Variants in CEP63 observed in about 807,000 individuals in gnomAD.
The protein encoded by CEP63 is centrosomal protein 63, also known as centrosomal protein of 63 kDa.
A neutral mutation model predicts 89.1 loss-of-function variants in CEP63; 84 were observed. The ratio of observed to expected loss-of-function variants is 0.94; its 90% CI spans 0.79 to 1.13. The LOEUF is 1.13. Ranked by LOEUF, CEP63 falls within the 50% of genes most tolerant of loss-of-function variation. The pLI, the probability that CEP63 is intolerant of heterozygous loss-of-function variation, is 0.00. For synonymous variants in CEP63, 267 were observed against 272.5 expected, an observed-to-expected ratio of 0.98 and a Z score of 0.20; for missense variants, 838 against 813.3, an observed-to-expected ratio of 1.03 and a Z score of -0.37.
At chr3:134,506,469 T>C (rs1034417187) in intron 2 of CEP63, among the ~76,000 whole-genome samples, 1 of 152,166 alleles carries the variant, frequency 6.6e-6, no homozygotes, top group Non-Finnish European at 1.5e-5. Context: ...CTTAATATGT[T>C]ACAGAGGCGC....
At chr3:134,625,136 C>G in the CEP63 span, 1 of 1,593,938 alleles carries the variant, frequency 6.3e-7, no homozygotes, top group Non-Finnish European at 8.5e-7. Flanking sequence ...CAGGGGTAGG[C>G]TGGAAACACA....
chr3:134,517,006 T>G (rs943242522), intron 3 of CEP63, among the ~76,000 whole-genome samples: 5 of 152,170 alleles, frequency 3.3e-5, no homozygotes, highest in Admixed American at 3.3e-4. Flanking sequence ...ACTAGGTGAA[T>G]TCTCCAACTT....
the CEP63 span, chr3:134,604,360 A>T: frequency 1.2e-6 from 2 of 1,614,012 alleles, no homozygotes; most frequent in Non-Finnish European, 1.7e-6. Flanking sequence ...GTACACCTCC[A>T]ACTTCATCCC....
At chr3:134,624,239 G>T in the CEP63 span, among the ~76,000 whole-genome samples, 18 of 152,110 alleles carry the variant, frequency 1.2e-4, no homozygotes, top group Non-Finnish European at 2.1e-4. Flanking sequence ...CCTAGCTCAG[G>T]ATTGGCCTTT....
the CEP63 span, among the ~76,000 whole-genome samples, chr3:134,751,106 C>A: frequency 6.6e-6 from 1 of 152,216 alleles, no homozygotes. Context: ...TAACTAGAAT[C>A]ATACAATATG....
rs766191456 is a variant in CEP63 at position 134,561,471 on chromosome 3, C to T, written c.2048C>T (p.Ala683Val). Residue 683 changes from alanine to valine, a missense_variant, in exon 15 of 15, where the codon GCC becomes GTC. Ala to Val is a moderately conservative substitution (Grantham distance 64, BLOSUM62 0). Transcript: ENST00000675561. ...CATCACATTCTAGAGCGCTTGGATG[C>T]CCATATTGAAGAACTAAAAAGAGAG... ...RSHHILERLDAHIEELKRESE... is the reference protein window; with the variant it reads ...RSHHILERLDVHIEELKRESE... 1.3e-4 allele frequency: 204 copies of T among 1,613,636 alleles called. No individual in the cohort carries two copies. The highest frequency in any genetic ancestry group is 1.7e-4 in the Non-Finnish European group (195 of 1,179,832).
the CEP63 span, among the ~76,000 whole-genome samples, chr3:134,716,352 G>A: frequency 1.3e-5 from 2 of 152,156 alleles, no homozygotes; most frequent in African/African-American, 2.4e-5. Flanking sequence ...AGGAACAGAG[G>A]GCTGAATTGC....
At position 134,493,684 on chromosome 3, in the gene CEP63, T is replaced by G. The variant is rs11706117; in HGVS notation, c.-25-1612T>G. Among the ~76,000 whole-genome samples, 3 of 151,962 alleles carry G rather than the reference T, an allele frequency of 2.0e-5. No individual in the cohort carries two copies. The East Asian group carries it at 5.8e-4, about 29-fold the overall frequency. On this transcript the variant is annotated intron_variant, in intron 1 of 14. Transcript: ENST00000675561. ...GTGTCTCTGGAACACCCTGGGCATG[T>G]CTCTCACTATATTTATCACACTGGG...
At chr3:134,696,985 C>G in the CEP63 span, among the ~76,000 whole-genome samples, 1 of 152,146 alleles carries the variant, frequency 6.6e-6, no homozygotes. Flanking sequence ...AAACTATGAA[C>G]GTTGTTAAGT....
intron 3 of CEP63, among the ~76,000 whole-genome samples, chr3:134,519,253 A>G (rs1946900771): frequency 6.6e-6 from 1 of 151,834 alleles, no homozygotes; most frequent in Admixed American, 6.6e-5. Context: ...CCTCTCGAGT[A>G]GCTGGGTCTG....
the CEP63 span, among the ~76,000 whole-genome samples, chr3:134,663,645 G>T: frequency 6.6e-6 from 1 of 152,362 alleles, no homozygotes; most frequent in South Asian, 2.1e-4. Flanking sequence ...GGGAAAGGGA[G>T]TGCAGGTTCT....
chr3:134,716,947 AGG>A, the CEP63 span, among the ~76,000 whole-genome samples: 1 of 152,228 alleles, frequency 6.6e-6, no homozygotes, highest in South Asian at 2.1e-4. Context: ...CACCTTCCAA[AGG>A]TGCTGAGCAT....
intron 1 of CEP63, among the ~76,000 whole-genome samples, chr3:134,494,446 C>A (rs1010276525): frequency 2.0e-5 from 3 of 152,074 alleles, no homozygotes; most frequent in Admixed American, 6.5e-5. Flanking sequence ...AGTCTTCTAT[C>A]TCCCGTTCCC....
At chr3:134,650,698 T>C in the CEP63 span, 9 of 820,500 alleles carry the variant, frequency 1.1e-5, no homozygotes, top group Admixed American at 3.3e-5. Flanking sequence ...ACGGCAGCCA[T>C]GGGGGAGAGG....
At position 134,550,294 on chromosome 3, in the gene CEP63, A is replaced by G. The variant is rs746289564; in HGVS notation, c.1380+34A>G. On this transcript the variant is annotated intron_variant, in intron 11 of 14. Transcript: ENST00000675561. ...TGAACAAAACCTTTTTTAAATTTGA[A>G]ATTTGTTTTAAAGATGGAGTTGATT... 5.0e-6 allele frequency: 8 copies of G among 1,590,212 alleles called. No individual in the cohort carries two copies. In the East Asian group the frequency reaches 1.6e-4, roughly 31 times the overall value.
At chr3:134,649,091 C>A in the CEP63 span, among the ~76,000 whole-genome samples, 1 of 152,224 alleles carries the variant, frequency 6.6e-6, no homozygotes, top group Non-Finnish European at 1.5e-5. Context: ...AAGCCATGCA[C>A]TTTTCCTCTT....
At chr3:134,651,632 G>A in the CEP63 span, 3 of 986,444 alleles carry the variant, frequency 3.0e-6, no homozygotes, top group Non-Finnish European at 2.4e-6. Context: ...CCCCAGTTAC[G>A]GCCCCTGTAG....
At chr3:134,706,705 C>T in the CEP63 span, among the ~76,000 whole-genome samples, 1 of 152,212 alleles carries the variant, frequency 6.6e-6, no homozygotes, top group Non-Finnish European at 1.5e-5. Flanking sequence ...AATTTTCTCA[C>T]AGTTCTGTAG....
At chr3:134,501,970 A>G (rs894978787) in intron 2 of CEP63, among the ~76,000 whole-genome samples, 5 of 152,174 alleles carry the variant, frequency 3.3e-5, no homozygotes, top group Non-Finnish European at 7.4e-5. Context: ...TGGGTTTGTC[A>G]TAGATGGCTC....
Sources: gnomAD v4.1 joint callset for allele counts (sites outside exome capture counted in the v4.1 genomes callset) on GRCh38, gnomAD v4.1.1 for gene constraint, MANE v1.5 for transcripts, NCBI Gene and HGNC (gene_info 2026-07-23, HGNC 2026-07-21) for gene names.